Variants in KCNH5 observed in about 807,000 individuals in gnomAD.
KCNH5 encodes the protein voltage-gated delayed rectifier potassium channel KCNH5.
In KCNH5, 46 loss-of-function variants were observed where a neutral mutation model predicts 96.1. That is an observed-to-expected ratio of 0.48 (90% confidence interval 0.38 to 0.61). The LOEUF (loss-of-function observed/expected upper bound fraction) is 0.61, where lower values mean the gene tolerates loss of function less well. Ranked by LOEUF, KCNH5 falls within the 20% of genes least tolerant of loss-of-function variation. The pLI is 0.00. For missense variants in KCNH5, 907 were observed against 1,225.8 expected, an observed-to-expected ratio of 0.74 and a Z score of 3.88; for synonymous variants, 439 against 449.8, an observed-to-expected ratio of 0.98 and a Z score of 0.30.
At chr14:62,897,678 G>A (rs1384498152) in intron 7 of KCNH5, among the ~76,000 whole-genome samples, 1 of 151,986 alleles carries the variant, frequency 6.6e-6, no homozygotes, top group African/African-American at 2.4e-5. Flanking sequence ...ACTGATAGAT[G>A]TCAATAAGTG....
chr14:62,703,123 C>T lies in KCNH5; in HGVS notation c.*4385G>A, dbSNP rs1043391048. The T allele has an allele frequency of 1.3e-5, 2 of 151,880 alleles. No homozygotes were observed. The highest frequency in any genetic ancestry group is 4.8e-5 in the African/African-American group (2 of 41,414). 9.4% of individuals were successfully genotyped at this position (151,880 alleles called of 1,614,324 possible). On this transcript the variant is annotated 3_prime_UTR_variant, in exon 11 of 11. Transcript: ENST00000322893. ...CAAAATTTACCTATCTTTCTCTTCT[C>T]TCTCTCTTCTGTCAAAGGAGCTTCA...
chr14:62,776,672 G>T (rs112430865), intron 10 of KCNH5, among the ~76,000 whole-genome samples: 2 of 152,150 alleles, frequency 1.3e-5, no homozygotes, highest in South Asian at 4.1e-4. Flanking sequence ...ATTCCATGCC[G>T]TAGTTGTTTC....
chr14:62,822,653 T>G (rs150089833), intron 8 of KCNH5, among the ~76,000 whole-genome samples: 1 of 148,186 alleles, frequency 6.7e-6, no homozygotes, highest in Non-Finnish European at 1.5e-5. Context: ...AGGACTTAAG[T>G]GTACTACGTA....
chr14:63,015,344 G>C (rs1179455749), intron 2 of KCNH5, among the ~76,000 whole-genome samples: 1 of 151,974 alleles, frequency 6.6e-6, no homozygotes, highest in African/African-American at 2.4e-5. Context: ...GCTATGTGCA[G>C]TCAGGTTTAA....
chr14:62,724,238 T>A (rs1229710774), intron 10 of KCNH5, among the ~76,000 whole-genome samples: 3 of 152,182 alleles, frequency 2.0e-5, no homozygotes, highest in Non-Finnish European at 4.4e-5. Context: ...GAGTATCTAA[T>A]GTAAAGATCA....
intron 9 of KCNH5, among the ~76,000 whole-genome samples, chr14:62,801,818 A>C (rs1468738629): frequency 6.6e-6 from 1 of 152,102 alleles, no homozygotes; most frequent in Admixed American, 6.6e-5. Flanking sequence ...CTTTCAGCTC[A>C]CTACTTAGGT....
intron 8 of KCNH5, among the ~76,000 whole-genome samples, chr14:62,803,551 G>C (rs7493979): frequency 0.14 from 21,196 of 152,106 alleles, 1,555 homozygotes; most frequent in Non-Finnish European, 0.16. Flanking sequence ...GTTCATTCTG[G>C]TCTCTGACTT....
Position 62,762,748 on chromosome 14 carries a change from CA to C in KCNH5, c.2019+16979del, listed in dbSNP as rs75812123. On this transcript the variant is annotated intron_variant, in intron 10 of 10. Coordinates refer to ENST00000322893, the MANE Select transcript of KCNH5 (RefSeq NM_139318.5). ...AACACAGAGGTGGCTATTCTAATTT[CA>C]AAAAAAAAAACAGACTTTAAATCAA... Among the ~76,000 whole-genome samples the C allele has an allele frequency of 1.1e-3, 144 of 133,144 alleles. 1 individual carries two copies. Among genetic ancestry groups the C allele is most frequent in the East Asian group, 5.6e-3 (26 of 4,684 alleles). The allele number at this position is 133,144 out of a possible 152,430, so 87.3% of individuals were successfully genotyped here.
rs187581095 is a variant in KCNH5, at chr14:62,742,832, T to C, written c.2020-34377A>G. ...CATGGACTACCTACATCAGAATCCC[T>C]TGGAAAGCTTATTCAAGTTGCAGGT... On this transcript the variant is annotated intron_variant, in intron 10 of 10. Transcript: ENST00000322893. Among the ~76,000 whole-genome samples the C allele has an allele frequency of 1.0e-3, 155 of 152,288 alleles. 1 individual carries two copies. Among genetic ancestry groups the C allele is most frequent in the African/African-American group, 3.5e-3 (147 of 41,560 alleles).
At position 62,846,538 on chromosome 14, in the gene KCNH5, T is replaced by C. The variant is rs950344765; in HGVS notation, c.1569+3115A>G. ...TTTTTTGCATTTAATTCTCAGTTTT[T>C]CTGATATTTATGTTAGGTCATGAGT... On this transcript the variant is annotated intron_variant, in intron 8 of 10. Transcript: ENST00000322893. Among the ~76,000 whole-genome samples the C allele has an allele frequency of 3.3e-5, 5 of 151,926 alleles. No homozygotes were observed. In the East Asian group the frequency reaches 7.7e-4, roughly 23 times the overall value.
At chr14:63,028,986 T>C (rs1351910002) in intron 1 of KCNH5, among the ~76,000 whole-genome samples, 2 of 152,114 alleles carry the variant, frequency 1.3e-5, no homozygotes, top group Non-Finnish European at 2.9e-5. Flanking sequence ...ATCTTTATAC[T>C]TGAAGTTTAA....
chr14:62,851,087 C>T (rs112574989), intron 7 of KCNH5, among the ~76,000 whole-genome samples: 16 of 152,080 alleles, frequency 1.1e-4, no homozygotes, highest in African/African-American at 3.6e-4. Context: ...GAGCTGTTCT[C>T]CTCTGAGTAT....
At chr14:62,982,005 G>C (rs1039055514) in intron 5 of KCNH5, among the ~76,000 whole-genome samples, 1 of 152,162 alleles carries the variant, frequency 6.6e-6, no homozygotes, top group Non-Finnish European at 1.5e-5. Context: ...GACAGAGCAA[G>C]AGTAGAGGTT....
rs1405323297 is a variant in KCNH5, at chr14:62,708,248, T to C, written c.2227A>G (p.Asn743Asp). The C allele has an allele frequency of 1.9e-6, 3 of 1,614,160 alleles. No homozygotes were observed. The highest frequency in any genetic ancestry group is 4.5e-5 in the East Asian group (2 of 44,864). Residue 743 changes from asparagine (N) to aspartate (D), a missense_variant, in exon 11 of 11, where the codon AAT becomes GAT. Transcript: ENST00000322893. ...CTGGTTCCGGTGATGGAGGCTCCATTCTGTAAGGAGCGGCTCTCTACCTGG... is the reference window on the plus strand; with the variant it reads ...CTGGTTCCGGTGATGGAGGCTCCATCCTGTAAGGAGCGGCTCTCTACCTGG... ...QLQVESRSLQ[N>D]GASITGTSVV...
At chr14:62,805,449 C>A (rs1393368583) in intron 8 of KCNH5, among the ~76,000 whole-genome samples, 1 of 152,096 alleles carries the variant, frequency 6.6e-6, no homozygotes, top group Admixed American at 6.6e-5. Context: ...AAAGATCAAC[C>A]AAAGTCACAC....
chr14:62,868,005 G>A (rs78840268), intron 7 of KCNH5, among the ~76,000 whole-genome samples: 3,183 of 152,276 alleles, frequency 0.021, 59 homozygotes, highest in East Asian at 0.081. Context: ...ATAACCTGAC[G>A]CTCTCTCCAA....
At chr14:62,927,449 G>C (rs917675532) in intron 7 of KCNH5, among the ~76,000 whole-genome samples, 8 of 152,064 alleles carry the variant, frequency 5.3e-5, no homozygotes, top group African/African-American at 1.9e-4. Context: ...ATGTCTATAG[G>C]AGCATTATTT....
Position 62,895,591 on chromosome 14 carries a change from C to A in KCNH5, c.1370-45739G>T, listed in dbSNP as rs147086809. On this transcript the variant is annotated intron_variant, in intron 7 of 10. Transcript: ENST00000322893. Reference sequence around the variant, plus strand: ...CAGGTGATCCACCCACCTTGGCTTCCCAATGTCAGCATCATGAGTTTAATG... The same window carrying A: ...CAGGTGATCCACCCACCTTGGCTTCACAATGTCAGCATCATGAGTTTAATG... Among the ~76,000 whole-genome samples the A allele has an allele frequency of 7.5e-3, 1,142 of 152,148 alleles. 16 individuals carry two copies. The highest frequency in any genetic ancestry group is 0.026 in the African/African-American group (1,087 of 41,494).
At chr14:62,803,302 C>T (rs983891441) in intron 8 of KCNH5, among the ~76,000 whole-genome samples, 9 of 152,112 alleles carry the variant, frequency 5.9e-5, no homozygotes, top group African/African-American at 2.2e-4. Flanking sequence ...AATCAAAATT[C>T]CACATTGGAG....
Sources: allele counts gnomAD v4.1 joint callset (sites outside exome capture counted in the v4.1 genomes callset), GRCh38; gene constraint gnomAD v4.1.1; transcripts MANE v1.5; gene names NCBI Gene and HGNC (gene_info 2026-07-23, HGNC 2026-07-21).